Variants in ANKS1A observed in about 807,000 individuals in gnomAD.
ANKS1A encodes ankyrin repeat and SAM domain-containing protein 1A.
In ANKS1A, 55 loss-of-function variants were observed where a neutral mutation model predicts 120.3. The observed-to-expected ratio is 0.46, with a 90% CI of 0.37 to 0.57. The LOEUF is 0.57. Among genes scored for constraint, ANKS1A ranks in the 20% least tolerant of loss-of-function variants. ANKS1A has a pLI of 0.00. For missense variants in ANKS1A, 1,123 were observed against 1,480.3 expected, an observed-to-expected ratio of 0.76 and a Z score of 3.96; for synonymous variants, 590 against 604.7, an observed-to-expected ratio of 0.98 and a Z score of 0.36.
intron 10 of ANKS1A, among the ~76,000 whole-genome samples, chr6:34,998,861 G>A (rs770226206): frequency 1.3e-5 from 2 of 152,186 alleles, no homozygotes; most frequent in Non-Finnish European, 2.9e-5. Flanking sequence ...ACCAGGAAGC[G>A]AGGTGATTAA....
chr6:35,056,193 G>T (rs1225149333), intron 12 of ANKS1A, among the ~76,000 whole-genome samples: 1 of 152,248 alleles, frequency 6.6e-6, no homozygotes, highest in Non-Finnish European at 1.5e-5. Context: ...CTCGGGAAGA[G>T]CCCTCCCCTT....
At chr6:34,981,668 G>A (rs769328700) in intron 3 of ANKS1A, 22 bp from the exon 4 acceptor site, 1 of 1,609,074 alleles carries the variant, frequency 6.2e-7, no homozygotes, top group Admixed American at 1.7e-5. Flanking sequence ...TTTCTGATGT[G>A]ATCTGCTTGT....
chr6:35,056,204 G>T (rs1204381515), intron 12 of ANKS1A, among the ~76,000 whole-genome samples: 1 of 152,226 alleles, frequency 6.6e-6, no homozygotes, highest in African/African-American at 2.4e-5. Context: ...CCCTCCCCTT[G>T]GAAGGGTTAA....
rs1268844502 is a variant in ANKS1A at position 35,050,968 on chromosome 6, T to C, written c.2011-3131T>C. ...TTCACAGAACAATAGAACAACTTCCTAGCCTGGGCAAAATCGTCCTGAGAG... is the reference window on the plus strand; with the variant it reads ...TTCACAGAACAATAGAACAACTTCCCAGCCTGGGCAAAATCGTCCTGAGAG... On this transcript the variant is annotated intron_variant, in intron 11 of 23. Transcript: ENST00000360359. This position sits in a 1 kb window ranked among gnomAD's most constrained non-coding sequence, Gnocchi z 4.3. Among the ~76,000 whole-genome samples the C allele has an allele frequency of 6.6e-6, 1 of 152,182 alleles. No homozygotes were observed. Among genetic ancestry groups the C allele is most frequent in the Non-Finnish European group, 1.5e-5 (1 of 68,018 alleles).
chr6:34,978,312 A>C (rs1771713955), intron 3 of ANKS1A, among the ~76,000 whole-genome samples: 1 of 152,126 alleles, frequency 6.6e-6, no homozygotes, highest in Admixed American at 6.5e-5. Flanking sequence ...CATTGGGGGA[A>C]ATTTGGGCTA....
chr6:35,094,131 T>G (rs1778389966), downstream of ANKS1A, among the ~76,000 whole-genome samples: 1 of 152,226 alleles, frequency 6.6e-6, no homozygotes, highest in Non-Finnish European at 1.5e-5. Flanking sequence ...TATTTCCTTT[T>G]CCCTTGCTAG....
At chr6:35,091,829 T>TTAAG (rs1316001924), downstream of ANKS1A, among the ~76,000 whole-genome samples, 2 of 152,086 alleles carry the variant, frequency 1.3e-5, no homozygotes, top group Non-Finnish European at 2.9e-5. Flanking sequence ...ATTGCAGAGG[T>TTAAG]TAAGTTTTAG....
At chr6:34,973,112 A>G (rs932957246) in intron 3 of ANKS1A, among the ~76,000 whole-genome samples, 3 of 152,192 alleles carry the variant, frequency 2.0e-5, no homozygotes, top group African/African-American at 7.2e-5. Context: ...TCAATAGCTA[A>G]TGGTGGAGAT....
intron 10 of ANKS1A, among the ~76,000 whole-genome samples, chr6:35,009,489 A>G (rs1773628473): frequency 6.6e-6 from 1 of 152,186 alleles, no homozygotes; most frequent in Non-Finnish European, 1.5e-5. Context: ...TGTTTTAGGT[A>G]CCAGAGAACA....
intron 16 of ANKS1A, among the ~76,000 whole-genome samples, chr6:35,080,343 G>A (rs1777606196): frequency 6.6e-6 from 1 of 152,198 alleles, no homozygotes; most frequent in Admixed American, 6.5e-5. Flanking sequence ...CCCATGATCT[G>A]TTGCTCCTGC....
chr6:34,972,774 A>G (rs1248773894), intron 3 of ANKS1A: 2 of 320,932 alleles, frequency 6.2e-6, no homozygotes, highest in South Asian at 1.2e-4. Context: ...GCTTCAGTCC[A>G]TCTGCTTTTG....
At position 35,082,996 on chromosome 6, in the gene ANKS1A, T is replaced by C. The variant is rs1477362815; in HGVS notation, c.2836-159T>C. Among the ~76,000 whole-genome samples the C allele has an allele frequency of 6.6e-6, 1 of 151,928 alleles. No homozygotes were observed. Among genetic ancestry groups the C allele is most frequent in the Non-Finnish European group, 1.5e-5 (1 of 68,010 alleles). The stretch of plus-strand genomic sequence containing the variant: ...GGTGGAGGCCTCTGGATCCTTTAGC[T>C]AGGGAGTTGAATGGAGGGTCTCTCC... On this transcript the variant is annotated intron_variant, in intron 18 of 23. Coordinates refer to ENST00000360359, the MANE Select transcript of ANKS1A (RefSeq NM_015245.3). The surrounding 1 kb of genome is among the most constrained non-coding windows in gnomAD (Gnocchi z 4.1).
chr6:34,976,142 A>G (rs1483352521), intron 3 of ANKS1A, among the ~76,000 whole-genome samples: 2 of 150,562 alleles, frequency 1.3e-5, no homozygotes, highest in Admixed American at 6.6e-5. Context: ...ATCTCAAAAA[A>G]AAAAAAAAAG....
intron 3 of ANKS1A, among the ~76,000 whole-genome samples, chr6:34,980,378 C>T (rs200645702): frequency 6.6e-6 from 1 of 152,152 alleles, no homozygotes; most frequent in African/African-American, 2.4e-5. Context: ...TCGTTCTCAC[C>T]TTTTGGGGAG....
chr6:34,899,162 T>C (rs1307013161), intron 1 of ANKS1A, among the ~76,000 whole-genome samples: 1 of 152,214 alleles, frequency 6.6e-6, no homozygotes, highest in East Asian at 1.9e-4. Flanking sequence ...TCCTTCTGAC[T>C]GGGAAGTAAT....
At chr6:35,065,492 C>T (rs547015467) in intron 13 of ANKS1A, among the ~76,000 whole-genome samples, 93 of 152,342 alleles carry the variant, frequency 6.1e-4, no homozygotes, top group African/African-American at 2.0e-3. Flanking sequence ...CCTGGCACCT[C>T]GAATGTCTAG....
rs903291236 is a variant in ANKS1A, at chr6:34,889,266, C to T, written c.-137C>T. ...CGCCGGATCCCGGAAGTGACGCGCT[C>T]GTGGGGAAAAGGCAGGGAGGGGGTG... On this transcript the variant is annotated 5_prime_UTR_variant, in exon 1 of 24. Coordinates refer to ENST00000360359, the MANE Select transcript of ANKS1A (RefSeq NM_015245.3). The surrounding 1 kb of genome is among the most constrained non-coding windows in gnomAD (Gnocchi z 5.5). The T allele has an allele frequency of 2.6e-4, 305 of 1,161,066 alleles. 1 individual carries two copies. The highest frequency in any genetic ancestry group is 2.2e-4 in the Admixed American group (5 of 23,120). 71.9% of individuals were successfully genotyped at this position (1,161,066 alleles called of 1,614,324 possible).
chr6:35,066,558 T>TG (rs563787842), intron 13 of ANKS1A, among the ~76,000 whole-genome samples: 14 of 147,962 alleles, frequency 9.5e-5, no homozygotes, highest in South Asian at 2.2e-4. Flanking sequence ...GGGGTCAGAG[T>TG]GGGGGGGTGC....
intron 9 of ANKS1A, among the ~76,000 whole-genome samples, chr6:34,991,400 C>T (rs1772501392): frequency 6.6e-6 from 1 of 151,926 alleles, no homozygotes. Flanking sequence ...ATGGAAGTTG[C>T]AGCTGCTGGA....
Sources: gnomAD v4.1 joint callset for allele counts (sites outside exome capture counted in the v4.1 genomes callset) on GRCh38, gnomAD v4.1.1 for gene constraint, Gnocchi (gnomAD v3.1) non-coding constraint, MANE v1.5 for transcripts, NCBI Gene and HGNC (gene_info 2026-07-23, HGNC 2026-07-21) for gene names.